The following CUX2 variants were observed in gnomAD, a reference collection of about 807,000 sequenced individuals.
CUX2 encodes the protein homeobox protein cut-like 2.
Under a neutral mutation model 144.8 loss-of-function variants are expected in CUX2, and 40 were observed. The ratio of observed to expected loss-of-function variants is 0.28; its 90% CI spans 0.21 to 0.36. CUX2 has a LOEUF of 0.36. Ranked by LOEUF, CUX2 falls within the 10% of genes least tolerant of loss-of-function variation. The pLI is 1.00. For missense variants in CUX2, 1,615 were observed against 1,994.0 expected, an observed-to-expected ratio of 0.81 and a Z score of 3.62; for synonymous variants, 827 against 875.6, an observed-to-expected ratio of 0.94 and a Z score of 0.98.
rs766866652 is a variant in CUX2, at chr12:111,263,625, AAAAACAAAACAAAAC to A, written c.223-116_223-102del. 8.0e-4 allele frequency: 613 copies of A among 765,720 alleles called. No homozygotes were observed. The highest frequency in any genetic ancestry group is 9.8e-4 in the Non-Finnish European group (441 of 450,626). The allele number at this position is 765,720 out of a possible 1,614,324, so 47.4% of individuals were successfully genotyped here. ...GGGCGACAGAGCAAGACTCTCTCTCAAAAACAAAACAAAACAAAACAAAACAAAACAAAAAACCTG... is the reference window on the plus strand; with the variant it reads ...GGGCGACAGAGCAAGACTCTCTCTCAAAAACAAAACAAAACAAAAAACCTG... On this transcript the variant is annotated intron_variant, in intron 3 of 21. Coordinates refer to ENST00000261726, the MANE Select transcript of CUX2 (RefSeq NM_015267.4). This position sits in a 1 kb window ranked among gnomAD's most constrained non-coding sequence, Gnocchi z 4.0.
chr12:111,291,019 C>T (rs1885651235), intron 4 of CUX2, among the ~76,000 whole-genome samples: 1 of 152,004 alleles, frequency 6.6e-6, no homozygotes, highest in African/African-American at 2.4e-5. Flanking sequence ...TGCACCACCA[C>T]ACCCGGCTAA....
At chr12:111,200,595 C>T (rs1267937642) in intron 1 of CUX2, among the ~76,000 whole-genome samples, 3 of 152,004 alleles carry the variant, frequency 2.0e-5, no homozygotes, top group Admixed American at 6.5e-5. Flanking sequence ...CTCGGGTAAC[C>T]CTACCTGGCC....
In CUX2 at chr12:111,246,814, T is replaced by C. The variant is rs2136268899; in HGVS notation, c.223-16947T>C. ...GTGTGAGCCTGTGCCTCTTCCTCCTTGAAGCCCTCCTAGCTGTGCCCTGCA... is the reference window on the plus strand; with the variant it reads ...GTGTGAGCCTGTGCCTCTTCCTCCTCGAAGCCCTCCTAGCTGTGCCCTGCA... On this transcript the variant is annotated intron_variant, in intron 3 of 21. Transcript: ENST00000261726. The surrounding 1 kb of genome is among the most constrained non-coding windows in gnomAD (Gnocchi z 4.0). Among the ~76,000 whole-genome samples, 1 of 152,212 alleles carries C rather than the reference T, an allele frequency of 6.6e-6. No individual in the cohort carries two copies. Among genetic ancestry groups the C allele is most frequent in the Admixed American group, 6.5e-5 (1 of 15,290 alleles).
chr12:111,192,840 C>G (rs939775000), intron 1 of CUX2, among the ~76,000 whole-genome samples: 2 of 152,248 alleles, frequency 1.3e-5, no homozygotes, highest in African/African-American at 4.8e-5. Context: ...TTTCCAGAAG[C>G]TATCCAAGGT....
At chr12:111,256,035 C>G (rs1883798927) in intron 3 of CUX2, among the ~76,000 whole-genome samples, 1 of 152,076 alleles carries the variant, frequency 6.6e-6, no homozygotes, top group African/African-American at 2.4e-5. Context: ...CCCACCCAGA[C>G]CCCAAAGCAC....
chr12:111,140,235 G>A (rs1592932984), intron 1 of CUX2, among the ~76,000 whole-genome samples: 1 of 152,240 alleles, frequency 6.6e-6, no homozygotes, highest in South Asian at 2.1e-4. Flanking sequence ...AACTTTCTGA[G>A]GACCCCTGCA....
intron 1 of CUX2, among the ~76,000 whole-genome samples, chr12:111,164,392 A>G (rs1877988688): frequency 6.6e-6 from 1 of 151,980 alleles, no homozygotes; most frequent in Admixed American, 6.6e-5. Flanking sequence ...CCTGGCCAAC[A>G]TGGTGAAACC....
In CUX2 at chr12:111,307,081, G is replaced by T; in HGVS notation, c.1019G>T (p.Arg340Leu). 1.2e-6 allele frequency: 2 copies of T among 1,612,844 alleles called. No individual in the cohort carries two copies. Among genetic ancestry groups the T allele is most frequent in the Non-Finnish European group, 1.7e-6 (2 of 1,179,092 alleles). Residue 340 changes from arginine (R) to leucine (L), a missense_variant, in exon 11 of 22, where the codon CGG becomes CTG. Coordinates refer to ENST00000261726, the MANE Select transcript of CUX2 (RefSeq NM_015267.4). The surrounding 1 kb of genome is among the most constrained non-coding windows in gnomAD (Gnocchi z 4.1). ...ASANQIADLE[R>L]QLTAKSEAIE... ...GCCAACCAGATCGCCGACCTGGAGCGGCAGCTCACGGCCAAGTCCGAGGCC... is the reference window on the plus strand; with the variant it reads ...GCCAACCAGATCGCCGACCTGGAGCTGCAGCTCACGGCCAAGTCCGAGGCC...
chr12:111,212,024 G>A (rs180996689), intron 1 of CUX2, among the ~76,000 whole-genome samples: 344 of 152,310 alleles, frequency 2.3e-3, no homozygotes, highest in Non-Finnish European at 3.0e-3. Context: ...ACTAAGAAGA[G>A]CTGGGAGTAC....
At chr12:111,172,262 A>C (rs570357968) in intron 1 of CUX2, among the ~76,000 whole-genome samples, 2 of 152,344 alleles carry the variant, frequency 1.3e-5, no homozygotes, top group East Asian at 3.9e-4. Flanking sequence ...GAGCATCTGA[A>C]CCAGAACTAA....
rs373389929 is a variant in CUX2 at position 111,214,173 on chromosome 12, CTTT to C, written c.64-13_64-11del. 6,183 of 994,072 alleles carry C rather than the reference CTTT, an allele frequency of 6.2e-3. No homozygotes were observed. Among genetic ancestry groups the C allele is most frequent in the South Asian group, 0.01 (519 of 50,434 alleles). 61.6% of individuals were successfully genotyped at this position (994,072 alleles called of 1,614,324 possible). On this transcript the variant is annotated intron_variant, in intron 1 of 21. Coordinates refer to ENST00000261726, the MANE Select transcript of CUX2 (RefSeq NM_015267.4). ...AAATCTTTTTCTTTTCTCTCTCTCTCTTTTTTTTTTTTTTTTATTGTTCCAGAA... is the reference window on the plus strand; with the variant it reads ...AAATCTTTTTCTTTTCTCTCTCTCTCTTTTTTTTTTTTTATTGTTCCAGAA...
chr12:111,066,612 T>G (rs1425142705), intron 1 of CUX2, among the ~76,000 whole-genome samples: 12 of 152,276 alleles, frequency 7.9e-5, no homozygotes, highest in Non-Finnish European at 1.3e-4. Context: ...GGGAGTTCAC[T>G]TTATACAAGT....
chr12:111,098,010 T>C lies in CUX2; in HGVS notation c.63+63770T>C, dbSNP rs890771006. 4.6e-5 allele frequency among the ~76,000 whole-genome samples: 7 copies of C among 152,128 alleles called. No homozygotes were observed. The South Asian group carries it at 8.3e-4, about 18-fold the overall frequency. On this transcript the variant is annotated intron_variant, in intron 1 of 21. Coordinates refer to ENST00000261726, the MANE Select transcript of CUX2 (RefSeq NM_015267.4). The stretch of plus-strand genomic sequence containing the variant: ...TAGTTCTAAGAGCTACAGGAAGCCA[T>C]TGAAGGGCGTAAGCTTGGGACAGTA...
At chr12:111,081,530 AAAC>A (rs1871885829) in intron 1 of CUX2, among the ~76,000 whole-genome samples, 1 of 152,166 alleles carries the variant, frequency 6.6e-6, no homozygotes, top group Non-Finnish European at 1.5e-5. Context: ...TCTTAATTGC[AAAC>A]AACAGAAACC....
At chr12:111,084,495 T>A (rs1872083998) in intron 1 of CUX2, among the ~76,000 whole-genome samples, 1 of 148,866 alleles carries the variant, frequency 6.7e-6, no homozygotes, top group East Asian at 2.0e-4. Context: ...AACAGAATCT[T>A]TTTTTTTTTT....
intron 1 of CUX2, among the ~76,000 whole-genome samples, chr12:111,101,897 T>TA (rs1443425150): frequency 2.0e-5 from 3 of 152,204 alleles, no homozygotes; most frequent in African/African-American, 7.2e-5. Context: ...TCGGGCTAAA[T>TA]ACAGTACCGA....
chr12:111,305,094 G>A (rs76613753), intron 10 of CUX2, among the ~76,000 whole-genome samples: 1 of 152,122 alleles, frequency 6.6e-6, no homozygotes, highest in Admixed American at 6.5e-5. Flanking sequence ...TGGGGTCCTA[G>A]TGTCATTTCT....
intron 1 of CUX2, among the ~76,000 whole-genome samples, chr12:111,117,022 C>A (rs533110957): frequency 7.2e-5 from 11 of 152,262 alleles, no homozygotes; most frequent in African/African-American, 2.2e-4. Context: ...ATTCCTTACA[C>A]CTTGCCAATG....
chr12:111,196,091 C>A (rs562674185), intron 1 of CUX2, among the ~76,000 whole-genome samples: 1 of 152,180 alleles, frequency 6.6e-6, no homozygotes, highest in African/African-American at 2.4e-5. Flanking sequence ...CTGGTCGTTT[C>A]GTACAAATGG....
Sources: gnomAD v4.1 joint callset for allele counts (sites outside exome capture counted in the v4.1 genomes callset) on GRCh38, gnomAD v4.1.1 for gene constraint, Gnocchi (gnomAD v3.1) non-coding constraint, MANE v1.5 for transcripts, NCBI Gene and HGNC (gene_info 2026-07-23, HGNC 2026-07-21) for gene names.